PCDH11X: variants seen among roughly 807,000 people sequenced by gnomAD.
PCDH11X encodes the protein protocadherin 11 X-linked, also known as protocadherin-11 X-linked.
Under a neutral mutation model 53.3 loss-of-function variants are expected in PCDH11X, and 18 were observed. The ratio of observed to expected loss-of-function variants is 0.34; its 90% CI spans 0.23 to 0.50. The LOEUF is 0.50. Among genes scored for constraint, PCDH11X ranks in the 20% least tolerant of loss-of-function variants. The pLI is 0.98. For synonymous variants in PCDH11X, 279 were observed against 393.3 expected, an observed-to-expected ratio of 0.71 and a Z score of 3.44; for missense variants, 570 against 1,032.4, an observed-to-expected ratio of 0.55 and a Z score of 6.14.
Position 91,900,836 on chromosome X carries a change from C to G in PCDH11X, c.3033+21563C>G, listed in dbSNP as rs1940924934. On this transcript the variant is annotated intron_variant, in intron 6 of 10. Transcript: ENST00000682573. ...GCTCATAAGCACATGAAATCAAATTCCATAAAACCATGGGTTTTGTATGGC... is the reference window on the plus strand; with the variant it reads ...GCTCATAAGCACATGAAATCAAATTGCATAAAACCATGGGTTTTGTATGGC... 3.6e-5 allele frequency among the ~76,000 whole-genome samples: 4 copies of G among 111,572 alleles called. No individual in the cohort carries two copies. The South Asian group carries it at 1.5e-3, about 42-fold the overall frequency.
chrX:92,505,196 G>T (rs1367633434), intron 10 of PCDH11X, among the ~76,000 whole-genome samples: 1 of 47,052 alleles, frequency 2.1e-5, no homozygotes, highest in African/African-American at 9.1e-5. Context: ...ATGCACTTTA[G>T]TTTAATTAAG....
At position 92,176,993 on chromosome X, in the gene PCDH11X, T is replaced by G. The variant is rs183196032; in HGVS notation, c.3034-24382T>G. ...TTTTTTTTTGGTTGTTGTTTTTTTT[T>G]GAGATGGAGTCTTGCTTTGTTGCCC... On this transcript the variant is annotated intron_variant, in intron 6 of 10. Transcript: ENST00000682573. Among the ~76,000 whole-genome samples the G allele has an allele frequency of 1.0e-4, 11 of 108,546 alleles. No homozygotes were observed. The East Asian group carries it at 2.9e-3, about 29-fold the overall frequency. 94.3% of individuals were successfully genotyped at this position (108,546 alleles called of 115,157 possible). A position where few individuals can be genotyped will look rare whatever the true frequency, so the allele number is the denominator to read the frequency against.
rs1227860074 is a variant in PCDH11X at position 91,863,482 on chromosome X, G to A, written c.541-13299G>A. Among the ~76,000 whole-genome samples the A allele has an allele frequency of 2.7e-5, 3 of 111,630 alleles. No homozygotes were observed. In the East Asian group the frequency reaches 8.4e-4, roughly 31 times the overall value. ...TTTCTCTTTTTCATTTTCAGTCTAT[G>A]TGTGTCTTCATAAGTGAAATGTGTT... On this transcript the variant is annotated intron_variant, in intron 5 of 10. Coordinates refer to ENST00000682573, the MANE Select transcript of PCDH11X (RefSeq NM_032968.5).
intron 9 of PCDH11X, among the ~76,000 whole-genome samples, chrX:92,441,515 G>A (rs754967491): frequency 2.6e-4 from 29 of 112,227 alleles, no homozygotes; most frequent in African/African-American, 8.7e-4. Context: ...AAGGGGCCAA[G>A]GTAGAGTTTG....
intron 10 of PCDH11X, among the ~76,000 whole-genome samples, chrX:92,473,354 G>A (rs1323044814): frequency 9.0e-6 from 1 of 111,029 alleles, no homozygotes; most frequent in Non-Finnish European, 1.9e-5. Context: ...TTTTCTCTTA[G>A]TCTGGCTAAA....
chrX:91,915,457 T>A (rs948737719), intron 6 of PCDH11X, among the ~76,000 whole-genome samples: 1 of 110,134 alleles, frequency 9.1e-6, no homozygotes, highest in African/African-American at 3.3e-5. Context: ...CACTAACACA[T>A]AAGGACTCAC....
chrX:91,797,020 A>C (rs1935759298), intron 1 of PCDH11X, among the ~76,000 whole-genome samples: 1 of 111,598 alleles, frequency 9.0e-6, no homozygotes, highest in Non-Finnish European at 1.9e-5. Context: ...TAAACTTTTC[A>C]ATTTCTTTTT....
At chrX:91,798,948 T>A (rs1342408599) in intron 1 of PCDH11X, among the ~76,000 whole-genome samples, 1 of 110,752 alleles carries the variant, frequency 9.0e-6, no homozygotes, top group East Asian at 2.8e-4. Context: ...ATTTCTGAAA[T>A]TATATAATAA....
Position 92,354,025 on chromosome X carries a change from G to T in PCDH11X, c.3145-33710G>T, listed in dbSNP as rs2070127476. Among the ~76,000 whole-genome samples, 2 of 78,278 alleles carry T rather than the reference G, an allele frequency of 2.6e-5. 1 individual carries two copies. The highest frequency in any genetic ancestry group is 1.0e-4 in the African/African-American group (2 of 19,531). 68.0% of individuals were successfully genotyped at this position (78,278 alleles called of 115,157 possible). A position where few individuals can be genotyped will look rare whatever the true frequency, so the allele number is the denominator to read the frequency against. On this transcript the variant is annotated intron_variant, in intron 8 of 10. Coordinates refer to ENST00000682573, the MANE Select transcript of PCDH11X (RefSeq NM_032968.5). Reference sequence around the variant, plus strand: ...GCTGTAGTTGAGCTTCCATTGTGTTGGGTATGGAAGAGGTTTGTTCACACT... The same window carrying T: ...GCTGTAGTTGAGCTTCCATTGTGTTTGGTATGGAAGAGGTTTGTTCACACT...
At chrX:92,499,997 C>T (rs767362504) in intron 10 of PCDH11X, among the ~76,000 whole-genome samples, 1 of 110,448 alleles carries the variant, frequency 9.1e-6, no homozygotes, top group East Asian at 2.9e-4. Context: ...TTTTCAATTC[C>T]AAATCCAGCT....
intron 9 of PCDH11X, among the ~76,000 whole-genome samples, chrX:92,413,436 C>A (rs1402418977): frequency 3.1e-5 from 2 of 65,081 alleles, no homozygotes; most frequent in Non-Finnish European, 5.4e-5. Context: ...AAGAGCTGAG[C>A]AAATTCTAAT....
chrX:92,080,205 C>A (rs2063835296), intron 6 of PCDH11X, among the ~76,000 whole-genome samples: 1 of 110,921 alleles, frequency 9.0e-6, no homozygotes, highest in Non-Finnish European at 1.9e-5. Flanking sequence ...CTCCCAGAAT[C>A]TCCAGAAAGG....
Position 92,621,917 on chromosome X carries a change from G to A in PCDH11X, c.*2977G>A, listed in dbSNP as rs1383176042. The A allele has an allele frequency of 9.2e-6, 1 of 108,438 alleles. No individual in the cohort carries two copies. The highest frequency in any genetic ancestry group is 1.9e-5 in the Non-Finnish European group (1 of 52,357). 8.9% of individuals were successfully genotyped at this position (108,438 alleles called of 1,213,427 possible). A position where few individuals can be genotyped will look rare whatever the true frequency, so the allele number is the denominator to read the frequency against. Reference sequence around the variant, plus strand: ...TTGTGTCCATATTCCATTAGATTGTGATTATTAATTTTCTAGCTATGGTAT... The same window carrying A: ...TTGTGTCCATATTCCATTAGATTGTAATTATTAATTTTCTAGCTATGGTAT... On this transcript the variant is annotated 3_prime_UTR_variant, in exon 11 of 11. Coordinates refer to ENST00000682573, the MANE Select transcript of PCDH11X (RefSeq NM_032968.5).
chrX:92,301,780 G>A (rs5984925), intron 8 of PCDH11X, among the ~76,000 whole-genome samples: 24,172 of 106,932 alleles, frequency 0.23, 4,305 homozygotes, highest in East Asian at 0.77. Flanking sequence ...TCATGGCCTC[G>A]TACAATGAAT....
rs1341162458 is a variant in PCDH11X at position 91,877,875 on chromosome X, C to G, written c.1635C>G (p.Asn545Lys). 4 of 1,209,763 alleles carry G rather than the reference C, an allele frequency of 3.3e-6. No individual in the cohort carries two copies. The highest frequency in any genetic ancestry group is 3.4e-6 in the Non-Finnish European group (3 of 895,166). The change falls in exon 6 of 11, where the codon AAC (asparagine) becomes AAG (lysine). Residue 545 changes from asparagine to lysine, a missense_variant. Physicochemically the swap from Asn to Lys is moderately conservative, Grantham distance 94. Around this residue, in one of 6 missense-constraint regions of PCDH11X, gnomAD observed 226 missense variants for 457.5 expected, o/e 0.49. Transcript: ENST00000682573. ...TATTCACAATTCTGGCAAAAGATAA[C>G]GGGGTACCACCCTTAACCAGCAATG... ...KYLFTILAKD[N>K]GVPPLTSNVT...
chrX:91,848,804 GATAAGT>G lies in PCDH11X; in HGVS notation c.540+12767_540+12772del, dbSNP rs777579488. Among the ~76,000 whole-genome samples, 620 of 111,665 alleles carry G rather than the reference GATAAGT, an allele frequency of 5.6e-3. 3 individuals carry two copies. The highest frequency in any genetic ancestry group is 0.019 in the African/African-American group (587 of 30,760). On this transcript the variant is annotated intron_variant, in intron 5 of 10. Transcript: ENST00000682573. ...TAACAGAACTAATCACTTTTCTAAA[GATAAGT>G]ATAAGTTTGGTCCACAAAAAAATTT...
intron 10 of PCDH11X, among the ~76,000 whole-genome samples, chrX:92,586,430 C>A (rs1000793620): frequency 6.5e-5 from 7 of 107,760 alleles, no homozygotes; most frequent in African/African-American, 2.4e-4. Context: ...ATAATTTAAC[C>A]TAAAATACAA....
intron 6 of PCDH11X, among the ~76,000 whole-genome samples, chrX:91,964,342 C>G (rs750802860): frequency 1.8e-5 from 2 of 110,552 alleles, no homozygotes; most frequent in African/African-American, 3.3e-5. Flanking sequence ...AGGACCCAGA[C>G]TAGCCAATGC....
intron 6 of PCDH11X, among the ~76,000 whole-genome samples, chrX:92,185,822 T>TAA (rs745885931): frequency 1.9e-5 from 2 of 103,957 alleles, no homozygotes; most frequent in African/African-American, 7.1e-5. Context: ...GAATACCTAT[T>TAA]AAAAAAAAAA....
Sources: allele counts gnomAD v4.1 joint callset (sites outside exome capture counted in the v4.1 genomes callset), GRCh38; gene constraint gnomAD v4.1.1; regional missense constraint gnomAD v4.1.1; transcripts MANE v1.5; gene names NCBI Gene and HGNC (gene_info 2026-07-23, HGNC 2026-07-21).